Variants in HNRNPF observed in about 807,000 individuals in gnomAD.
HNRNPF encodes the protein heterogeneous nuclear ribonucleoprotein F.
A neutral mutation model predicts 26.0 loss-of-function variants in HNRNPF; 2 were observed. That is an observed-to-expected ratio of 0.08 (90% CI 0.03 to 0.24). HNRNPF has a LOEUF of 0.24. Among genes scored for constraint, HNRNPF ranks in the 10% least tolerant of loss-of-function variants. The pLI, the probability that HNRNPF is intolerant of heterozygous loss-of-function variation, is 1.00. For missense variants in HNRNPF, 299 were observed against 539.2 expected (o/e 0.55, Z 4.41); for synonymous variants, 234 against 211.5 (o/e 1.11, Z -0.92).
At chr10:43,407,118 A>G (rs1838945311) in intron 1 of HNRNPF, among the ~76,000 whole-genome samples, 1 of 152,056 alleles carries the variant, frequency 6.6e-6, no homozygotes, top group Non-Finnish European at 1.5e-5. Flanking sequence ...GGAAGAATTA[A>G]GATGACTTTT....
At chr10:43,395,018 AAT>A (rs1199643125) in intron 2 of HNRNPF, among the ~76,000 whole-genome samples, 4 of 152,116 alleles carry the variant, frequency 2.6e-5, no homozygotes, top group Non-Finnish European at 4.4e-5. Flanking sequence ...ATGGGATTTC[AAT>A]ATGTTGGCCA....
At chr10:43,404,471 A>G (rs867469449) in intron 1 of HNRNPF, among the ~76,000 whole-genome samples, 25 of 152,328 alleles carry the variant, frequency 1.6e-4, no homozygotes, top group Middle Eastern at 6.8e-3. Context: ...CTGCTGTAAC[A>G]TGACAAAAGA....
rs750458124 is a variant in HNRNPF, at chr10:43,386,717, TG to T, written c.1167del (p.Tyr389Ter). On this transcript the variant is annotated frameshift_variant, in exon 4 of 4. Coordinates refer to ENST00000682386, the MANE Select transcript of HNRNPF (RefSeq NM_001098204.2). LOFTEE classifies it high-confidence loss of function. Reference protein sequence around the residue: ...GMGVSAAQATYSGLESQSVSG... With the variant: ...GMGVSAAQATXSGLESQSVSG... The stretch of plus-strand genomic sequence containing the variant: ...CTCACTGACTGGCTCTCCAGGCCAC[TG>T]TAAGTGGCCTGGGCAGCAGACACCC... The T allele has an allele frequency of 1.5e-5, 24 of 1,613,928 alleles. No individual in the cohort carries two copies. Among genetic ancestry groups the T allele is most frequent in the African/African-American group, 2.7e-5 (2 of 74,908 alleles).
intron 1 of HNRNPF, among the ~76,000 whole-genome samples, chr10:43,407,216 G>A (rs1482641213): frequency 6.6e-6 from 1 of 151,222 alleles, no homozygotes; most frequent in Non-Finnish European, 1.5e-5. Context: ...CGCCCCGCGC[G>A]GTTCCGGGAA....
Position 43,386,615 on chromosome 10 carries a change from A to G in HNRNPF, c.*22T>C, listed in dbSNP as rs1247978662. ...GGCTGCCTGTGAAAATGATTGAAGT[A>G]ACTCAAATGTTCCTAACAAAACTAG... On this transcript the variant is annotated 3_prime_UTR_variant, in exon 4 of 4. Coordinates refer to ENST00000682386, the MANE Select transcript of HNRNPF (RefSeq NM_001098204.2). 9.9e-6 allele frequency: 15 copies of G among 1,513,908 alleles called. No homozygotes were observed. In the Admixed American group the frequency reaches 1.2e-4, roughly 12 times the overall value. The allele number at this position is 1,513,908 out of a possible 1,614,324, so 93.8% of individuals were successfully genotyped here. A position where few individuals can be genotyped will look rare whatever the true frequency, so the allele number is the denominator to read the frequency against.
At chr10:43,388,806 G>A (rs1193569106) in intron 3 of HNRNPF, among the ~76,000 whole-genome samples, 1 of 152,156 alleles carries the variant, frequency 6.6e-6, no homozygotes, top group Non-Finnish European at 1.5e-5. Flanking sequence ...CCACACACTG[G>A]AAGGCAGTCT....
In HNRNPF at chr10:43,386,105, G is replaced by A. The variant is rs1838013601; in HGVS notation, c.*532C>T. ...TCACTTAGCAAAATACACCCAAAAG[G>A]AAATCACAGTACAAAGAAAGTTTTA... is the stretch of plus-strand genomic sequence containing the variant. On this transcript the variant is annotated 3_prime_UTR_variant, in exon 4 of 4. Coordinates refer to ENST00000682386, the MANE Select transcript of HNRNPF (RefSeq NM_001098204.2). 6.6e-6 allele frequency: 1 copy of A among 152,504 alleles called. No individual in the cohort carries two copies. The allele number at this position is 152,504 out of a possible 1,614,324, so 9.4% of individuals were successfully genotyped here.
chr10:43,391,501 G>C (rs987900320), intron 3 of HNRNPF, among the ~76,000 whole-genome samples: 6 of 151,904 alleles, frequency 3.9e-5, no homozygotes, highest in Non-Finnish European at 1.5e-5. Flanking sequence ...AAATCAGAGT[G>C]AACAGCCATA....
chr10:43,403,538 C>A (rs1454405103), intron 1 of HNRNPF, among the ~76,000 whole-genome samples: 1 of 152,148 alleles, frequency 6.6e-6, no homozygotes, highest in Non-Finnish European at 1.5e-5. Context: ...CCTAATCCAG[C>A]AATATATAAA....
intron 1 of HNRNPF, among the ~76,000 whole-genome samples, chr10:43,404,855 C>A (rs191931288): frequency 6.6e-6 from 1 of 152,118 alleles, no homozygotes; most frequent in Admixed American, 6.6e-5. Context: ...CCAAAAACTA[C>A]CTCTAGAGGT....
rs763541832 is a variant in HNRNPF, at chr10:43,387,438, G to C, written c.447C>G (p.Gly149=). 1.2e-6 allele frequency: 2 copies of C among 1,614,172 alleles called. No individual in the cohort carries two copies. The highest frequency in any genetic ancestry group is 1.7e-6 in the Non-Finnish European group (2 of 1,180,034). ...GCACGAACGCTTCCCCTGTAATCTT[G>C]CCTTCGGGGTCCACAGGCAATGTGA... is the stretch of plus-strand genomic sequence containing the variant. ...NGITLPVDPE[G]KITGEAFVQF... Residue 149 remains glycine (G), a synonymous_variant, in exon 4 of 4, where the codon GGC becomes GGG. Transcript: ENST00000682386. The surrounding 1 kb of genome is among the most constrained non-coding windows in gnomAD (Gnocchi z 6.0).
intron 1 of HNRNPF, among the ~76,000 whole-genome samples, chr10:43,400,518 G>A (rs1213590194): frequency 6.6e-6 from 1 of 152,162 alleles, no homozygotes; most frequent in East Asian, 1.9e-4. Flanking sequence ...TGTTATGGAT[G>A]TTTTCCTTTT....
At chr10:43,388,794 A>T (rs1682330839) in intron 3 of HNRNPF, among the ~76,000 whole-genome samples, 1 of 152,210 alleles carries the variant, frequency 6.6e-6, no homozygotes, top group South Asian at 2.1e-4. Context: ...GAGTAAGGCC[A>T]ACCACACACT....
chr10:43,405,471 A>G (rs1414430014), intron 1 of HNRNPF, among the ~76,000 whole-genome samples: 2 of 151,966 alleles, frequency 1.3e-5, no homozygotes, highest in Non-Finnish European at 2.9e-5. Flanking sequence ...CCCTGCTAAC[A>G]TGATGAAACC....
intron 2 of HNRNPF, among the ~76,000 whole-genome samples, 186 bp from the exon 3 acceptor site, chr10:43,394,874 T>TACAGAGCACA (rs1186617332): frequency 5.3e-5 from 8 of 152,118 alleles, no homozygotes; most frequent in Non-Finnish European, 1.0e-4. Flanking sequence ...CACAGGGCAA[T>TACAGAGCACA]ACAGAGCACA....
At chr10:43,408,484 C>G (rs1027548799) in intron 1 of HNRNPF, among the ~76,000 whole-genome samples, 2 of 152,162 alleles carry the variant, frequency 1.3e-5, no homozygotes, top group Non-Finnish European at 2.9e-5. Context: ...AGTCCTCGCT[C>G]GGTCCCAGGT....
At chr10:43,395,254 T>C (rs911305697) in intron 2 of HNRNPF, among the ~76,000 whole-genome samples, 1 of 152,162 alleles carries the variant, frequency 6.6e-6, no homozygotes, top group Non-Finnish European at 1.5e-5. Flanking sequence ...TGCTAGAAAT[T>C]GTTCAGTCTG....
At chr10:43,393,643 A>T (rs1027717933) in intron 3 of HNRNPF, among the ~76,000 whole-genome samples, 1 of 151,804 alleles carries the variant, frequency 6.6e-6, no homozygotes, top group Non-Finnish European at 1.5e-5. Flanking sequence ...GCCTTACTGC[A>T]ATCCCATCTA....
chr10:43,395,063 C>G (rs576064578), intron 2 of HNRNPF, among the ~76,000 whole-genome samples: 1 of 152,004 alleles, frequency 6.6e-6, no homozygotes, highest in East Asian at 1.9e-4. Context: ...TCAGGTGATC[C>G]GCCCGCCTCT....
Sources: gnomAD v4.1 joint callset for allele counts (sites outside exome capture counted in the v4.1 genomes callset) on GRCh38, gnomAD v4.1.1 for gene constraint, Gnocchi (gnomAD v3.1) non-coding constraint, MANE v1.5 for transcripts, NCBI Gene and HGNC (gene_info 2026-07-23, HGNC 2026-07-21) for gene names.